Variants in ZNF335 observed in about 807,000 individuals in gnomAD.
ZNF335 encodes NRC-interacting factor 1.
In ZNF335, 84 loss-of-function variants were observed where a neutral mutation model predicts 145.6. The observed-to-expected ratio is 0.58, with a 90% CI of 0.48 to 0.69. ZNF335 has a LOEUF of 0.69. Ranked by LOEUF, ZNF335 falls within the 30% of genes least tolerant of loss-of-function variation. ZNF335 has a pLI of 0.00. For synonymous variants in ZNF335, 761 were observed against 717.0 expected, an observed-to-expected ratio of 1.06 and a Z score of -0.98; for missense variants, 1,865 against 1,809.7, an observed-to-expected ratio of 1.03 and a Z score of -0.55.
At chr20:45,962,327 G>C (rs2083859109) in intron 9 of ZNF335, 145 bp from the exon 10 acceptor site, 1 of 660,500 alleles carries the variant, frequency 1.5e-6, no homozygotes, top group Admixed American at 2.5e-5. Flanking sequence ...CCCGACGCAA[G>C]GGTCAAAACC....
chr20:45,952,941 G>A (rs982060965), intron 18 of ZNF335, among the ~76,000 whole-genome samples: 2 of 152,136 alleles, frequency 1.3e-5, no homozygotes, highest in East Asian at 1.9e-4. Context: ...TCTTGTCCTC[G>A]GCAAACATGG....
chr20:45,963,444 T>G (rs746730094), intron 9 of ZNF335, 29 bp downstream of exon 9: 1 of 1,593,174 alleles, frequency 6.3e-7, no homozygotes, highest in Non-Finnish European at 8.6e-7. Context: ...CACCCTCCCA[T>G]GAGCCCCAAG....
At chr20:45,971,809 C>T (rs1436197137) in intron 1 of ZNF335, 1 of 985,194 alleles carries the variant, frequency 1.0e-6, no homozygotes. Context: ...GCCGGTGGTA[C>T]AGCCCGCTGG....
intron 6 of ZNF335, 31 bp from the exon 7 acceptor site, chr20:45,965,805 G>C: frequency 6.3e-7 from 1 of 1,583,716 alleles, no homozygotes; most frequent in Non-Finnish European, 8.6e-7. Context: ...GGTGAACAGT[G>C]AGTGGCGGGA....
intron 18 of ZNF335, among the ~76,000 whole-genome samples, chr20:45,952,982 G>A (rs1187835189): frequency 6.6e-6 from 1 of 152,208 alleles, no homozygotes; most frequent in Non-Finnish European, 1.5e-5. Context: ...GAGGCAGAGG[G>A]GTCTAACCCA....
chr20:45,950,288 C>T lies in ZNF335; in HGVS notation c.3418G>A (p.Ala1140Thr), dbSNP rs757258455. Residue 1140 changes from alanine to threonine, a missense_variant, in exon 22 of 28, where the codon GCC (alanine) becomes ACC (threonine). Ala to Thr is a moderately conservative substitution (Grantham distance 58). Coordinates refer to ENST00000322927, the MANE Select transcript of ZNF335 (RefSeq NM_022095.4). ...GRKSGTPTAR[A>T]PTQTPTQTII... ...GTCTGGGTTGGGGTCTGGGTAGGGG[C>T]CCGGGCTGTAGGGGTTCCTGACTTC... is the stretch of plus-strand genomic sequence containing the variant. 8 of 1,560,476 alleles carry T rather than the reference C, an allele frequency of 5.1e-6. No individual in the cohort carries two copies. Among genetic ancestry groups the T allele is most frequent in the East Asian group, 2.3e-5 (1 of 44,444 alleles).
At chr20:45,952,961 G>A (rs748601049) in intron 18 of ZNF335, among the ~76,000 whole-genome samples, 11 of 151,878 alleles carry the variant, frequency 7.2e-5, no homozygotes, top group Non-Finnish European at 1.0e-4. Context: ...GCGAGGTGGG[G>A]GGCACACAGT....
chr20:45,969,409 C>T, intron 3 of ZNF335, 42 bp downstream of exon 3: 1 of 1,462,216 alleles, frequency 6.8e-7, no homozygotes, highest in Non-Finnish European at 9.1e-7. Flanking sequence ...GGCTGCCGGA[C>T]ACTGCAGGAA....
In ZNF335 at chr20:45,962,128, A is replaced by T; in HGVS notation, c.1588T>A (p.Tyr530Asn). 1.2e-6 allele frequency: 2 copies of T among 1,602,932 alleles called. No individual in the cohort carries two copies. The highest frequency in any genetic ancestry group is 1.1e-5 in the South Asian group (1 of 90,956). Residue 530 changes from tyrosine (Y) to asparagine (N), a missense_variant, in exon 10 of 28, where the codon TAC becomes AAC. Tyr to Asn is a moderately radical substitution (Grantham distance 143). Transcript: ENST00000322927. The part of the protein sequence containing the change: ...SKPYKCDECS[Y>N]TSVYRKDVIR... The stretch of plus-strand genomic sequence containing the variant: ...ACGTCCTTCCGGTAGACACTGGTGT[A>T]GCTGCACTCGTCACACTTGTAGGGC...
At chr20:45,953,388 T>TG (rs2083669308) in intron 18 of ZNF335, among the ~76,000 whole-genome samples, 1 of 152,196 alleles carries the variant, frequency 6.6e-6, no homozygotes, top group Non-Finnish European at 1.5e-5. Flanking sequence ...ACCTACTGCA[T>TG]GTGTGGTTTC....
intron 14 of ZNF335, 49 bp downstream of exon 14, chr20:45,960,159 A>T: frequency 6.2e-7 from 1 of 1,604,748 alleles, no homozygotes; most frequent in African/African-American, 1.3e-5. Flanking sequence ...GATCAGGGGT[A>T]CAGGGCACTG....
At chr20:45,953,629 C>T (rs909217959) in intron 18 of ZNF335, 60 bp downstream of exon 18, 9 of 1,591,308 alleles carry the variant, frequency 5.7e-6, no homozygotes, top group African/African-American at 2.7e-5. Flanking sequence ...GGGCCCAAAT[C>T]GGACCGACCG....
chr20:45,961,975 G>C, intron 10 of ZNF335, 95 bp downstream of exon 10: 3 of 1,052,714 alleles, frequency 2.8e-6, no homozygotes, highest in Non-Finnish European at 4.2e-6. Context: ...CTCAGAGCAG[G>C]AGCACGGTAA....
At position 45,960,275 on chromosome 20, in the gene ZNF335, G is replaced by A. The variant is rs759160818; in HGVS notation, c.1953C>T (p.Cys651=). The change falls in exon 14 of 28, where the codon TGC becomes TGT. Residue 651 remains cysteine, a synonymous_variant. Transcript: ENST00000322927. ...LSHVSDKPFK[C]SFCPYRTFRE... ...GGAAGGTGCGGTAGGGACAAAAGCT[G>A]CATTTGAAGGGCTTGTCACTGACGT... is the stretch of plus-strand genomic sequence containing the variant. The A allele has an allele frequency of 6.2e-7, 1 of 1,614,214 alleles. No individual in the cohort carries two copies. Among genetic ancestry groups the A allele is most frequent in the Non-Finnish European group, 8.5e-7 (1 of 1,180,028 alleles).
chr20:45,967,233 G>T (rs1221654821), intron 6 of ZNF335: 1 of 527,204 alleles, frequency 1.9e-6, no homozygotes, highest in Non-Finnish European at 3.4e-6. Context: ...ACAGGGCGAG[G>T]ACCTCCTCTC....
In ZNF335 at chr20:45,950,490, T is replaced by G. The variant is rs746588939; in HGVS notation, c.3295A>C (p.Lys1099Gln). ...AGGTGGCATGCAAAAGGCTTCTCCTTTGTGTGAGTCAGCATGTGCCGACGC... is the reference window on the plus strand; with the variant it reads ...AGGTGGCATGCAAAAGGCTTCTCCTGTGTGTGAGTCAGCATGTGCCGACGC... ...DLRRHMLTHT[K>Q]EKPFACHLCG... The change falls in exon 21 of 28, where the codon AAG (lysine) becomes CAG (glutamine). Residue 1099 changes from lysine to glutamine, a missense_variant. By Grantham distance (53) the Lys-to-Gln change is moderately conservative. Coordinates refer to ENST00000322927, the MANE Select transcript of ZNF335 (RefSeq NM_022095.4). The G allele has an allele frequency of 5.0e-6, 8 of 1,614,184 alleles. No individual in the cohort carries two copies. The highest frequency in any genetic ancestry group is 3.3e-4 in the Middle Eastern group (2 of 6,062).
Position 45,950,602 on chromosome 20 carries a change from A to G in ZNF335, c.3190-7T>C, listed in dbSNP as rs1442980062. ...AGTGCTGTGCCATGTGCGCCTGCAG[A>G]GAGGGCAGAGTTGGGGGCATTGGCT... is the stretch of plus-strand genomic sequence containing the variant. On this transcript the variant is annotated splice_region_variant and splice_polypyrimidine_tract_variant and intron_variant, in intron 20 of 27. Transcript: ENST00000322927. 6.2e-7 allele frequency: 1 copy of G among 1,613,770 alleles called. No homozygotes were observed. Among genetic ancestry groups the G allele is most frequent in the Admixed American group, 1.7e-5 (1 of 60,014 alleles).
rs531028410 is a variant in ZNF335, at chr20:45,967,694, T to C, written c.814+40A>G. ...TGTCTGGCTCCCAGCACCCCACCCCTACCCATGCAGTCCAAGCAGGTAGGC... is the reference window on the plus strand; with the variant it reads ...TGTCTGGCTCCCAGCACCCCACCCCCACCCATGCAGTCCAAGCAGGTAGGC... On this transcript the variant is annotated intron_variant, in intron 5 of 27. Transcript: ENST00000322927. 2.8e-5 allele frequency: 45 copies of C among 1,609,314 alleles called. No individual in the cohort carries two copies. In the South Asian group the frequency reaches 4.6e-4, roughly 17 times the overall value.
Position 45,967,522 on chromosome 20 carries a change from T to C in ZNF335, c.927A>G (p.Val309=), listed in dbSNP as rs370890463. ...GPEEEDDDDI[V]DAGAIDDLEE... ...CCAGGTCATCAATGGCTCCAGCGTC[T>C]ACAATGTCATCATCGTCCTCCTCCT... Residue 309 remains valine, a synonymous_variant, in exon 6 of 28, where the codon GTA becomes GTG. Coordinates refer to ENST00000322927, the MANE Select transcript of ZNF335 (RefSeq NM_022095.4). The C allele has an allele frequency of 1.2e-6, 2 of 1,613,938 alleles. No individual in the cohort carries two copies. Among genetic ancestry groups the C allele is most frequent in the African/African-American group, 2.7e-5 (2 of 74,894 alleles).
Sources: gnomAD v4.1 joint callset for allele counts (sites outside exome capture counted in the v4.1 genomes callset) on GRCh38, gnomAD v4.1.1 for gene constraint, MANE v1.5 for transcripts, NCBI Gene and HGNC (gene_info 2026-07-23, HGNC 2026-07-21) for gene names.